SLC44A5: variants seen among roughly 807,000 people sequenced by gnomAD.
The protein encoded by SLC44A5 is solute carrier family 44 member 5.
A neutral mutation model predicts 101.8 loss-of-function variants in SLC44A5; 57 were observed. That is an observed-to-expected ratio of 0.56 (90% CI 0.45 to 0.70). The LOEUF (loss-of-function observed/expected upper bound fraction) is 0.70. Among genes scored for constraint, SLC44A5 ranks in the 30% least tolerant of loss-of-function variants. The pLI is 0.00. For missense variants in SLC44A5, 737 were observed against 853.1 expected (o/e 0.86, Z 1.70); for synonymous variants, 281 against 290.9 (o/e 0.97, Z 0.35).
chr1:75,398,071 G>A (rs1338417408), intron 2 of SLC44A5, among the ~76,000 whole-genome samples: 4 of 152,060 alleles, frequency 2.6e-5, no homozygotes, highest in Non-Finnish European at 4.4e-5. Context: ...GCACCTGAGA[G>A]GTAGAATAAA....
chr1:75,414,895 T>G (rs1180637973), intron 2 of SLC44A5, among the ~76,000 whole-genome samples: 3 of 152,186 alleles, frequency 2.0e-5, no homozygotes, highest in Non-Finnish European at 2.9e-5. Flanking sequence ...TAGGCTAGAA[T>G]TTTTATCTTT....
intron 1 of SLC44A5, among the ~76,000 whole-genome samples, chr1:75,556,525 C>T (rs1430040042): frequency 6.6e-6 from 1 of 152,126 alleles, no homozygotes; most frequent in African/African-American, 2.4e-5. Flanking sequence ...AAGTCACTCA[C>T]TTGCATCTTT....
intron 2 of SLC44A5, among the ~76,000 whole-genome samples, chr1:75,414,292 TACATAC>T (rs1408844816): frequency 2.0e-5 from 3 of 146,832 alleles, no homozygotes; most frequent in Non-Finnish European, 4.5e-5. Context: ...TATACATACA[TACATAC>T]ATACATACAT....
intron 1 of SLC44A5, among the ~76,000 whole-genome samples, chr1:75,583,347 A>T (rs1557932941): frequency 1.3e-5 from 2 of 152,194 alleles, no homozygotes; most frequent in Non-Finnish European, 2.9e-5. Context: ...GTACATTTGC[A>T]GATTCTTGGG....
At chr1:75,609,809 C>T (rs1443939043) in intron 1 of SLC44A5, among the ~76,000 whole-genome samples, 1 of 151,974 alleles carries the variant, frequency 6.6e-6, no homozygotes, top group African/African-American at 2.4e-5. Flanking sequence ...AAATAATGAA[C>T]CACAGGTATA....
At chr1:75,222,812 G>C (rs1245090015) in intron 13 of SLC44A5, among the ~76,000 whole-genome samples, 1 of 152,180 alleles carries the variant, frequency 6.6e-6, no homozygotes, top group African/African-American at 2.4e-5. Flanking sequence ...AGTTCATTAA[G>C]TAAGACAATA....
chr1:75,383,681 A>G (rs1038270073), intron 3 of SLC44A5, among the ~76,000 whole-genome samples: 3 of 152,210 alleles, frequency 2.0e-5, no homozygotes, highest in African/African-American at 4.8e-5. Flanking sequence ...GCAGGCCAAC[A>G]TTCAGATTCA....
chr1:75,366,654 A>G (rs566951073), intron 3 of SLC44A5, among the ~76,000 whole-genome samples: 11 of 152,180 alleles, frequency 7.2e-5, no homozygotes, highest in Admixed American at 3.9e-4. Flanking sequence ...AATTCTTATA[A>G]TGAATTTATT....
At chr1:75,441,001 T>C (rs1238871898) in intron 2 of SLC44A5, among the ~76,000 whole-genome samples, 1 of 151,808 alleles carries the variant, frequency 6.6e-6, no homozygotes, top group Non-Finnish European at 1.5e-5. Context: ...GGGTTCCAAA[T>C]AAAAAATGAT....
the SLC44A5 span, among the ~76,000 whole-genome samples, chr1:75,719,917 C>G: frequency 0.082 from 12,388 of 151,928 alleles, 1,688 homozygotes; most frequent in African/African-American, 0.28. Flanking sequence ...GTGCGTGAGA[C>G]TCTACACATG....
At chr1:75,679,866 C>G in the SLC44A5 span, among the ~76,000 whole-genome samples, 1 of 151,948 alleles carries the variant, frequency 6.6e-6, no homozygotes, top group Non-Finnish European at 1.5e-5. Context: ...TTCAGGAAAC[C>G]CATCTCACGT....
intron 2 of SLC44A5, among the ~76,000 whole-genome samples, chr1:75,439,481 G>A (rs1268606191): frequency 1.3e-5 from 2 of 152,142 alleles, no homozygotes; most frequent in African/African-American, 4.8e-5. Context: ...TACTCAGGAG[G>A]CTGAGGCAGG....
At chr1:75,491,060 T>C (rs573742186) in intron 2 of SLC44A5, among the ~76,000 whole-genome samples, 1 of 152,126 alleles carries the variant, frequency 6.6e-6, no homozygotes, top group African/African-American at 2.4e-5. Context: ...CCAAAGTAAA[T>C]ACTTTTAATT....
chr1:75,541,403 T>C (rs769399435), intron 2 of SLC44A5, 32 bp downstream of exon 2: 2 of 1,505,218 alleles, frequency 1.3e-6, no homozygotes, highest in South Asian at 2.3e-5. Flanking sequence ...AAAGTCCAGA[T>C]CAAGAGGAAC....
At chr1:75,258,032 C>T (rs957123928) in intron 6 of SLC44A5, among the ~76,000 whole-genome samples, 12 of 152,088 alleles carry the variant, frequency 7.9e-5, no homozygotes, top group African/African-American at 1.9e-4. Context: ...GCTTTTCCCA[C>T]GGTCTTCGCA....
intron 2 of SLC44A5, among the ~76,000 whole-genome samples, chr1:75,429,640 T>C (rs1664499754): frequency 6.6e-6 from 1 of 152,180 alleles, no homozygotes; most frequent in African/African-American, 2.4e-5. Flanking sequence ...CATCTGCTTC[T>C]GGTGAGAGCC....
intron 5 of SLC44A5, among the ~76,000 whole-genome samples, chr1:75,293,120 C>A (rs1262901126): frequency 3.3e-5 from 5 of 152,150 alleles, no homozygotes; most frequent in Non-Finnish European, 7.3e-5. Context: ...TAAAAGAATT[C>A]TATTAGGGAA....
intron 3 of SLC44A5, among the ~76,000 whole-genome samples, chr1:75,374,544 A>G (rs534384392): frequency 6.6e-6 from 1 of 152,252 alleles, no homozygotes; most frequent in East Asian, 1.9e-4. Context: ...CTTGGTGAGG[A>G]AGTCATCTTT....
At chr1:75,287,940 T>G (rs146847869) in intron 5 of SLC44A5, among the ~76,000 whole-genome samples, 177 of 152,284 alleles carry the variant, frequency 1.2e-3, no homozygotes, top group African/African-American at 4.1e-3. Flanking sequence ...CAGGAGGTGA[T>G]GCTTTCAAGA....
Sources: allele counts gnomAD v4.1 joint callset (sites outside exome capture counted in the v4.1 genomes callset), GRCh38; gene constraint gnomAD v4.1.1; transcripts MANE v1.5; gene names NCBI Gene and HGNC (gene_info 2026-07-23, HGNC 2026-07-21).